Variants in NBPF20 observed in about 807,000 individuals in gnomAD.
NBPF20 encodes NBPF family member NBPF20.
Under a neutral mutation model 68.1 loss-of-function variants are expected in NBPF20, and 90 were observed. The observed-to-expected ratio is 1.32, with a 90% CI of 1.11 to 1.58. The LOEUF (loss-of-function observed/expected upper bound fraction) is 1.58. Among genes scored for constraint, NBPF20 ranks in the 40% most tolerant of loss-of-function variants. NBPF20 has a pLI of 0.00. For synonymous variants in NBPF20, 290 were observed against 228.1 expected (o/e 1.27, Z -2.45); for missense variants, 816 against 601.2 (o/e 1.36, Z -3.74).
At chr1:145,394,978 T>G in exon 8 of NBPF20, 3 of 1,611,994 alleles carry the variant, frequency 1.9e-6, no homozygotes, top group Non-Finnish European at 2.5e-6. Context: ...TAGTACTCAC[T>G]GCCTATGTCA....
At chr1:145,411,381 ACTTTC>A in the NBPF20 span, among the ~76,000 whole-genome samples, 1 of 130,516 alleles carries the variant, frequency 7.7e-6, no homozygotes, top group Non-Finnish European at 1.6e-5. Context: ...AATTTTGTTG[ACTTTC>A]CTTTTTTTTT....
chr1:145,306,319 A>G (rs1661408996), intron 119 of NBPF20, among the ~76,000 whole-genome samples: 2 of 147,528 alleles, frequency 1.4e-5, no homozygotes, highest in Non-Finnish European at 3.0e-5. Context: ...ACACACACAG[A>G]GAGAGAGAAC....
At chr1:145,395,810 C>A (rs1285866259) in intron 7 of NBPF20, among the ~76,000 whole-genome samples, 1 of 148,258 alleles carries the variant, frequency 6.7e-6, no homozygotes, top group East Asian at 1.9e-4. Context: ...ACATCAACAT[C>A]AACAAAAAAG....
intron 3 of NBPF20, 140 bp downstream of exon 8, chr1:145,403,076 T>C (rs1662601384): frequency 1.1e-6 from 1 of 950,466 alleles, no homozygotes; most frequent in Non-Finnish European, 1.7e-6. Context: ...GTTTGATAAA[T>C]ATTTATGTGT....
intron 9 of NBPF20, 183 bp downstream of exon 14, chr1:145,393,701 A>G: frequency 1.4e-6 from 2 of 1,458,326 alleles, no homozygotes; most frequent in South Asian, 2.4e-5. Context: ...GTAAATGATA[A>G]GGGTAGGAAG....
rs1451855997 is a variant in NBPF20, at chr1:145,393,827, A to G, written c.1043+57T>C. 6.7e-5 allele frequency: 84 copies of G among 1,261,544 alleles called. No individual in the cohort carries two copies. The African/African-American group carries it at 7.6e-4, about 11-fold the overall frequency. The allele number at this position is 1,261,544 out of a possible 1,614,324, so 78.1% of individuals were successfully genotyped here. A position where few individuals can be genotyped will look rare whatever the true frequency, so the allele number is the denominator to read the frequency against. On this transcript the variant is annotated intron_variant, in intron 9 of 137. Transcript: ENST00000369373. ...TTTCAGCATGTACTGTTTTCCCTGG[A>G]CTTGGCATCTCCAGGTGTCAACATC...
chr1:145,395,013 T>A, exon 8 of NBPF20: 1 of 1,611,790 alleles, frequency 6.2e-7, no homozygotes, highest in Non-Finnish European at 8.5e-7. Flanking sequence ...TTGCTGTTCC[T>A]CTAATGAGTG....
chr1:145,394,456 T>A (rs1553663234), intron 8 of NBPF20, among the ~76,000 whole-genome samples: 1 of 152,018 alleles, frequency 6.6e-6, no homozygotes, highest in African/African-American at 2.4e-5. Flanking sequence ...AGGAACATGA[T>A]GGACAGATGA....
At chr1:145,403,286 T>A (rs1335251835) in exon 3 of NBPF20, 6 of 1,610,650 alleles carry the variant, frequency 3.7e-6, no homozygotes, top group Non-Finnish European at 3.4e-6. Flanking sequence ...TTCCTCAGCA[T>A]AGATTTTATG....
chr1:145,292,139 C>A (rs587756684), intron 137 of NBPF20, among the ~76,000 whole-genome samples: 3 of 149,686 alleles, frequency 2.0e-5, no homozygotes, highest in African/African-American at 7.7e-5. Flanking sequence ...GCTCAAAATT[C>A]GATGCAGTGG....
chr1:145,410,338 G>A (rs1179020937), upstream of NBPF20, among the ~76,000 whole-genome samples: 78 of 145,938 alleles, frequency 5.3e-4, 1 homozygote, highest in East Asian at 6.2e-3. Context: ...TTTTTGAGAC[G>A]GAGTCTCGCT....
At chr1:145,403,359 A>G in intron 2 of NBPF20, 41 bp from the exon 8 acceptor site, 2 of 1,498,682 alleles carry the variant, frequency 1.3e-6, no homozygotes, top group Admixed American at 3.3e-5. Flanking sequence ...GGAAGGCTGG[A>G]CATGCTGCTG....
chr1:145,409,287 T>C (rs1211078427), upstream of NBPF20, among the ~76,000 whole-genome samples: 2 of 151,342 alleles, frequency 1.3e-5, no homozygotes, highest in East Asian at 1.9e-4. Flanking sequence ...TCACTTATTA[T>C]TGGACATTTC....
At chr1:145,407,491 AATAT>A (rs782108426), upstream of NBPF20, among the ~76,000 whole-genome samples, 1 of 147,236 alleles carries the variant, frequency 6.8e-6, no homozygotes, top group African/African-American at 2.5e-5. Context: ...CAAACACATG[AATAT>A]ATATAATATA....
At chr1:145,291,853 G>C in intron 137 of NBPF20, 84 bp from the exon 143 acceptor site, 1 of 1,607,952 alleles carries the variant, frequency 6.2e-7, no homozygotes, top group Non-Finnish European at 8.5e-7. Context: ...GTCACATAAG[G>C]AAGTGGTTAG....
At chr1:145,291,956 G>T (rs1366145858) in intron 137 of NBPF20, among the ~76,000 whole-genome samples, 187 bp from the exon 143 acceptor site, 1 of 151,142 alleles carries the variant, frequency 6.6e-6, no homozygotes, top group Non-Finnish European at 1.5e-5. Context: ...AACAATGAAA[G>T]AGAAAGACAG....
chr1:145,393,792 A>T, intron 9 of NBPF20, 92 bp downstream of exon 14: 4 of 1,357,578 alleles, frequency 2.9e-6, no homozygotes, highest in Non-Finnish European at 4.2e-6. Context: ...TGACAAGACA[A>T]AATCATTATT....
the NBPF20 span, among the ~76,000 whole-genome samples, chr1:145,410,820 A>ACG: frequency 2.2e-5 from 3 of 133,562 alleles, no homozygotes; most frequent in African/African-American, 8.3e-5. Flanking sequence ...ATATACGTAT[A>ACG]TATATATATA....
In NBPF20 at chr1:145,402,383, T is replaced by G; in HGVS notation, c.279-2A>C. 10 of 1,602,710 alleles carry G rather than the reference T, an allele frequency of 6.2e-6. No homozygotes were observed. Among genetic ancestry groups the G allele is most frequent in the Non-Finnish European group, 7.7e-6 (9 of 1,171,454 alleles). The stretch of plus-strand genomic sequence containing the variant: ...GCGTGAACCAGGACTTTATATTGCC[T>G]AAGGTGAGACGGTAGAGAAAATTTA... On this transcript the variant is annotated splice_acceptor_variant, in intron 3 of 137. Transcript: ENST00000369373. LOFTEE classifies it high-confidence loss of function.
Sources: allele counts gnomAD v4.1 joint callset (sites outside exome capture counted in the v4.1 genomes callset), GRCh38; gene constraint gnomAD v4.1.1; transcripts MANE v1.5; gene names NCBI Gene and HGNC (gene_info 2026-07-23, HGNC 2026-07-21).